The following CDH4 variants were observed in gnomAD, a reference collection of about 807,000 sequenced individuals.
CDH4 encodes the protein cadherin-4.
Under a neutral mutation model 86.0 loss-of-function variants are expected in CDH4, and 33 were observed. That is an observed-to-expected ratio of 0.38 (90% CI 0.29 to 0.51). The LOEUF is 0.51. Among genes scored for constraint, CDH4 ranks in the 20% least tolerant of loss-of-function variants. The pLI, the probability that CDH4 is intolerant of heterozygous loss-of-function variation, is 0.86. For synonymous variants in CDH4, 555 were observed against 549.4 expected (o/e 1.01, Z -0.14); for missense variants, 1,114 against 1,307.4 (o/e 0.85, Z 2.28).
At chr20:61,932,499 CACGA>C (rs1293850912) in intron 13 of CDH4, among the ~76,000 whole-genome samples, 7 of 152,134 alleles carry the variant, frequency 4.6e-5, no homozygotes, top group African/African-American at 9.7e-5. Flanking sequence ...TACACAGACA[CACGA>C]AGTACACATG....
chr20:61,857,953 CTGTGTG>C (rs1003811804), intron 6 of CDH4, among the ~76,000 whole-genome samples: 2 of 116,870 alleles, frequency 1.7e-5, no homozygotes, highest in African/African-American at 5.6e-5. Flanking sequence ...GTCTCTGTGT[CTGTGTG>C]TGTCTCTGTG....
chr20:61,643,899 A>T (rs2145805525), intron 2 of CDH4, among the ~76,000 whole-genome samples: 1 of 152,360 alleles, frequency 6.6e-6, no homozygotes, highest in East Asian at 1.9e-4. Flanking sequence ...AAAATAAATG[A>T]TTCCAACACT....
intron 2 of CDH4, among the ~76,000 whole-genome samples, chr20:61,616,701 C>T (rs551361372): frequency 7.9e-5 from 12 of 152,322 alleles, no homozygotes; most frequent in Admixed American, 4.6e-4. Context: ...AATGGGCTCT[C>T]TCCATTCTTG....
intron 2 of CDH4, among the ~76,000 whole-genome samples, chr20:61,401,245 A>G (rs369702304): frequency 6.6e-6 from 1 of 152,184 alleles, no homozygotes; most frequent in East Asian, 1.9e-4. Flanking sequence ...CAAAAATGCA[A>G]TTGTAAACCT....
intron 2 of CDH4, among the ~76,000 whole-genome samples, chr20:61,698,548 C>T (rs1245816279): frequency 1.3e-5 from 2 of 152,264 alleles, no homozygotes; most frequent in Non-Finnish European, 2.9e-5. Context: ...CGGTCAGCAG[C>T]AAAGGCCTCT....
chr20:61,714,048 T>TTATGTTATGTTATGTTATGTTGTG (rs2087924543), intron 2 of CDH4, among the ~76,000 whole-genome samples: 1 of 138,924 alleles, frequency 7.2e-6, no homozygotes, highest in Admixed American at 7.4e-5. Context: ...TTTATTTTAT[T>TTATGTTATGTTATGTTATGTTGTG]TTATTTTATT....
intron 2 of CDH4, among the ~76,000 whole-genome samples, chr20:61,291,620 A>G (rs1272523863): frequency 6.6e-6 from 1 of 152,214 alleles, no homozygotes. Flanking sequence ...GTTCCTCCCT[A>G]AGGCAGTGTG....
At chr20:61,718,823 C>A (rs747202299) in intron 2 of CDH4, 1 of 471,220 alleles carries the variant, frequency 2.1e-6, no homozygotes, top group South Asian at 1.5e-5. Context: ...CCATCCCGGG[C>A]TCCCAGCGAC....
chr20:61,737,930 G>T (rs938540689), intron 2 of CDH4, among the ~76,000 whole-genome samples: 1 of 152,226 alleles, frequency 6.6e-6, no homozygotes, highest in Non-Finnish European at 1.5e-5. Context: ...GTAGGTGTGC[G>T]CAGGGCTGCT....
chr20:61,852,110 C>T lies in CDH4; in HGVS notation c.733-644C>T, dbSNP rs909320868. 3.9e-5 allele frequency among the ~76,000 whole-genome samples: 6 copies of T among 152,202 alleles called. No homozygotes were observed. The East Asian group carries it at 5.8e-4, about 15-fold the overall frequency. On this transcript the variant is annotated intron_variant, in intron 5 of 15. Transcript: ENST00000614565. ...TCCCAGGAGCTCCACACAGGCCTCC[C>T]GGCCCTGCCTCTCCACGGATCCCCC...
In CDH4 at chr20:61,749,144, C is replaced by T. The variant is rs6061793; in HGVS notation, c.396+5355C>T. On this transcript the variant is annotated intron_variant, in intron 3 of 15. Transcript: ENST00000614565. ...GCATTCTATTCAAGGAGGAACACTT[C>T]GTAATGATAAATAATTCACCAAGAA... Among the ~76,000 whole-genome samples the T allele has an allele frequency of 5.8e-4, 88 of 152,098 alleles. 1 individual carries two copies. The highest frequency in any genetic ancestry group is 2.0e-3 in the African/African-American group (82 of 41,492).
intron 2 of CDH4, among the ~76,000 whole-genome samples, chr20:61,490,944 G>A (rs2085622807): frequency 6.6e-6 from 1 of 152,180 alleles, no homozygotes; most frequent in Non-Finnish European, 1.5e-5. Context: ...ATTTGTGTAA[G>A]ATTTATGTGG....
At chr20:61,297,284 G>C (rs1239565887) in intron 2 of CDH4, among the ~76,000 whole-genome samples, 1 of 152,202 alleles carries the variant, frequency 6.6e-6, no homozygotes, top group African/African-American at 2.4e-5. Flanking sequence ...TACTCGGGAG[G>C]CTGAGGCAGG....
chr20:61,458,481 G>A (rs1385954568), intron 2 of CDH4, among the ~76,000 whole-genome samples: 1 of 151,266 alleles, frequency 6.6e-6, no homozygotes, highest in Non-Finnish European at 1.5e-5. Flanking sequence ...ACTGGTAGTG[G>A]TGGTGGTGCT....
chr20:61,538,861 T>C (rs1156821365), intron 2 of CDH4, among the ~76,000 whole-genome samples: 5 of 152,128 alleles, frequency 3.3e-5, no homozygotes, highest in Non-Finnish European at 5.9e-5. Flanking sequence ...GAAATGCTAA[T>C]GGGGTCAGGC....
At chr20:61,719,112 T>C in intron 2 of CDH4, 1 of 471,134 alleles carries the variant, frequency 2.1e-6, no homozygotes, top group Non-Finnish European at 4.4e-6. Context: ...TCCCAGCCTC[T>C]TCATGTCACC....
chr20:61,851,038 C>G (rs1982699440), intron 5 of CDH4, among the ~76,000 whole-genome samples: 1 of 152,238 alleles, frequency 6.6e-6, no homozygotes, highest in African/African-American at 2.4e-5. Context: ...GACCTCTGGG[C>G]GTGTGGGAAA....
intron 2 of CDH4, among the ~76,000 whole-genome samples, chr20:61,631,324 G>A (rs749596842): frequency 2.0e-5 from 3 of 152,342 alleles, no homozygotes; most frequent in Middle Eastern, 3.4e-3. Flanking sequence ...CTTCAAGTTC[G>A]GTGGGGCTTG....
chr20:61,791,176 A>C (rs1382892789), intron 4 of CDH4, among the ~76,000 whole-genome samples: 2 of 152,374 alleles, frequency 1.3e-5, no homozygotes, highest in Middle Eastern at 3.4e-3. Flanking sequence ...CTCCCTGTCG[A>C]GGATAAAGGT....
Sources: allele counts gnomAD v4.1 joint callset (sites outside exome capture counted in the v4.1 genomes callset), GRCh38; gene constraint gnomAD v4.1.1; transcripts MANE v1.5; gene names NCBI Gene and HGNC (gene_info 2026-07-23, HGNC 2026-07-21).